Variants in CADPS2 observed in about 807,000 individuals in gnomAD.
CADPS2 encodes the protein calcium-dependent secretion activator 2.
CADPS2 carries 93 observed loss-of-function variants against 172.5 expected under a neutral mutation model. The ratio of observed to expected loss-of-function variants is 0.54; its 90% CI spans 0.46 to 0.64. CADPS2 has a LOEUF of 0.64. Among genes scored for constraint, CADPS2 ranks in the 30% least tolerant of loss-of-function variants. The pLI is 0.00. For synonymous variants in CADPS2, 546 were observed against 555.2 expected, an observed-to-expected ratio of 0.98 and a Z score of 0.23; for missense variants, 1,420 against 1,565.9, an observed-to-expected ratio of 0.91 and a Z score of 1.57.
chr7:122,553,873 C>A (rs764820665), intron 8 of CADPS2, among the ~76,000 whole-genome samples: 1 of 152,056 alleles, frequency 6.6e-6, no homozygotes, highest in Non-Finnish European at 1.5e-5. Flanking sequence ...CATAGTAAGT[C>A]CAAAGTGTTA....
intron 4 of CADPS2, among the ~76,000 whole-genome samples, chr7:122,623,736 A>G (rs924493158): frequency 5.3e-5 from 8 of 152,186 alleles, no homozygotes; most frequent in Non-Finnish European, 7.3e-5. Flanking sequence ...TATGCGTTGA[A>G]TAAAATCTCT....
chr7:122,742,042 T>C (rs1484343152), intron 1 of CADPS2, among the ~76,000 whole-genome samples: 1 of 152,114 alleles, frequency 6.6e-6, no homozygotes, highest in East Asian at 1.9e-4. Context: ...TTGGATGCAA[T>C]GGATCATAAG....
chr7:122,451,578 T>A, intron 14 of CADPS2, 103 bp from the exon 15 acceptor site: 3 of 594,814 alleles, frequency 5.0e-6, no homozygotes, highest in Non-Finnish European at 8.3e-6. Flanking sequence ...GTTCACTGTA[T>A]ACATATTAAT....
At chr7:122,877,259 A>T (rs1821448656) in intron 1 of CADPS2, among the ~76,000 whole-genome samples, 1 of 152,202 alleles carries the variant, frequency 6.6e-6, no homozygotes, top group Non-Finnish European at 1.5e-5. Flanking sequence ...ATTTTTGAAA[A>T]AGGATAAACA....
intron 1 of CADPS2, among the ~76,000 whole-genome samples, chr7:122,864,243 T>C (rs1182211543): frequency 6.6e-6 from 1 of 152,130 alleles, no homozygotes; most frequent in East Asian, 1.9e-4. Flanking sequence ...AGTCATAATA[T>C]GATTGCTACA....
At chr7:122,420,000 G>T (rs1035249864) in intron 17 of CADPS2, among the ~76,000 whole-genome samples, 3 of 152,088 alleles carry the variant, frequency 2.0e-5, no homozygotes, top group South Asian at 2.1e-4. Context: ...GAAGCATTCT[G>T]CAAATTAGAT....
At chr7:122,843,187 A>T (rs2501450) in intron 1 of CADPS2, among the ~76,000 whole-genome samples, 28,446 of 152,154 alleles carry the variant, frequency 0.19, 3,153 homozygotes, top group African/African-American at 0.31. Context: ...TCATTTTTGA[A>T]TGAATGCTAG....
intron 8 of CADPS2, among the ~76,000 whole-genome samples, chr7:122,525,137 C>T (rs921641145): frequency 2.6e-5 from 1 of 38,276 alleles, no homozygotes; most frequent in African/African-American, 1.4e-4. Context: ...GAGACCCTGT[C>T]TCAAAAAAAA....
chr7:122,341,836 T>A (rs1276956901), intron 28 of CADPS2, among the ~76,000 whole-genome samples: 1 of 152,146 alleles, frequency 6.6e-6, no homozygotes. Flanking sequence ...GAAATGGTAG[T>A]GGTGAAAACT....
intron 1 of CADPS2, among the ~76,000 whole-genome samples, chr7:122,823,059 T>C (rs1434986473): frequency 6.6e-6 from 1 of 152,206 alleles, no homozygotes; most frequent in Non-Finnish European, 1.5e-5. Flanking sequence ...CTCTGATAAT[T>C]AGTGATGTTG....
chr7:122,823,928 T>TCTA, intron 1 of CADPS2, among the ~76,000 whole-genome samples: 1 of 152,050 alleles, frequency 6.6e-6, no homozygotes, highest in East Asian at 1.9e-4. Context: ...CACTGGGAGT[T>TCTA]CTACTGTACT....
At chr7:122,785,754 G>C (rs1264187979) in intron 1 of CADPS2, among the ~76,000 whole-genome samples, 1 of 151,996 alleles carries the variant, frequency 6.6e-6, no homozygotes, top group African/African-American at 2.4e-5. Context: ...CCAGGCTCTA[G>C]AATCTACCCC....
At chr7:122,761,833 G>GA (rs34908983) in intron 1 of CADPS2, among the ~76,000 whole-genome samples, 27,791 of 132,958 alleles carry the variant, frequency 0.21, 3,523 homozygotes, top group African/African-American at 0.37. Flanking sequence ...CATCTCTACT[G>GA]AAAAAAAAAA....
At chr7:122,745,916 G>A (rs949127889) in intron 1 of CADPS2, among the ~76,000 whole-genome samples, 4 of 151,832 alleles carry the variant, frequency 2.6e-5, no homozygotes, top group East Asian at 1.9e-4. Context: ...TATTACTAAC[G>A]GGGAAGTAGA....
intron 27 of CADPS2, among the ~76,000 whole-genome samples, chr7:122,347,174 A>T (rs1024022389): frequency 6.6e-6 from 1 of 152,188 alleles, no homozygotes; most frequent in Non-Finnish European, 1.5e-5. Flanking sequence ...GTTAAAGAGG[A>T]TATGGGTCAT....
At chr7:122,801,410 T>C (rs1589280767) in intron 1 of CADPS2, among the ~76,000 whole-genome samples, 3 of 152,212 alleles carry the variant, frequency 2.0e-5, no homozygotes, top group East Asian at 3.9e-4. Context: ...ATCATATCAG[T>C]AAGTGCTTGA....
intron 17 of CADPS2, among the ~76,000 whole-genome samples, chr7:122,430,353 C>T (rs996859310): frequency 2.0e-5 from 3 of 152,182 alleles, no homozygotes; most frequent in African/African-American, 4.8e-5. Flanking sequence ...ATATAATTTT[C>T]AGGAAACAGT....
intron 8 of CADPS2, among the ~76,000 whole-genome samples, chr7:122,549,388 C>G (rs2063970339): frequency 6.6e-6 from 1 of 152,112 alleles, no homozygotes; most frequent in South Asian, 2.1e-4. Context: ...TCAATACTTA[C>G]CGTCTACATG....
intron 27 of CADPS2, among the ~76,000 whole-genome samples, chr7:122,350,999 A>G (rs2038471264): frequency 6.6e-6 from 1 of 151,952 alleles, no homozygotes; most frequent in South Asian, 2.1e-4. Flanking sequence ...GAAGAAATTT[A>G]AACAACGAAC....
Sources: allele counts gnomAD v4.1 joint callset (sites outside exome capture counted in the v4.1 genomes callset), GRCh38; gene constraint gnomAD v4.1.1; transcripts MANE v1.5; gene names NCBI Gene and HGNC (gene_info 2026-07-23, HGNC 2026-07-21).